Variants in GABRB1 observed in about 807,000 individuals in gnomAD.
GABRB1 encodes the protein gamma-aminobutyric acid type A receptor subunit beta1.
GABRB1 carries 17 observed loss-of-function variants against 51.6 expected under a neutral mutation model. The ratio of observed to expected loss-of-function variants is 0.33; its 90% CI spans 0.23 to 0.49. The LOEUF is 0.49. Ranked by LOEUF, GABRB1 falls within the 20% of genes least tolerant of loss-of-function variation. GABRB1 has a pLI of 0.99. For synonymous variants in GABRB1, 247 were observed against 218.9 expected, an observed-to-expected ratio of 1.13 and a Z score of -1.14; for missense variants, 410 against 600.6, an observed-to-expected ratio of 0.68 and a Z score of 3.32.
intron 4 of GABRB1, among the ~76,000 whole-genome samples, chr4:47,212,730 A>G (rs1376796595): frequency 6.6e-6 from 1 of 152,102 alleles, no homozygotes; most frequent in Non-Finnish European, 1.5e-5. Context: ...TCATAAGACT[A>G]CATTTAACTT....
At chr4:47,088,347 A>G (rs910929303) in intron 3 of GABRB1, among the ~76,000 whole-genome samples, 5 of 152,362 alleles carry the variant, frequency 3.3e-5, no homozygotes, top group Non-Finnish European at 7.3e-5. Context: ...CATCTGGGTC[A>G]AAGAAAATAA....
rs935345612 is a variant in GABRB1, at chr4:47,037,560, T to TG, written c.240+5076_240+5077insG. On this transcript the variant is annotated intron_variant, in intron 3 of 8. Transcript: ENST00000295454. ...TTTGTTGTTGTTGTTGTTTTTTGTT[T>TG]TTTTTTTTTACTCTAAGCCACATTA... is the stretch of plus-strand genomic sequence containing the variant. 1.3e-3 allele frequency among the ~76,000 whole-genome samples: 197 copies of TG among 150,642 alleles called. 1 individual carries two copies. The highest frequency in any genetic ancestry group is 4.5e-3 in the African/African-American group (183 of 41,022).
At chr4:47,281,369 G>A (rs1180272188) in intron 4 of GABRB1, among the ~76,000 whole-genome samples, 1 of 152,108 alleles carries the variant, frequency 6.6e-6, no homozygotes, top group African/African-American at 2.4e-5. Flanking sequence ...TTATTAGAAT[G>A]GCTGTTATAA....
intron 4 of GABRB1, among the ~76,000 whole-genome samples, chr4:47,195,633 C>T (rs1719655018): frequency 6.6e-6 from 1 of 152,146 alleles, no homozygotes; most frequent in Admixed American, 6.5e-5. Flanking sequence ...TTTCATAGAA[C>T]TGTATGTCCA....
chr4:47,373,018 TC>T (rs1727260464), intron 5 of GABRB1, among the ~76,000 whole-genome samples: 1 of 152,166 alleles, frequency 6.6e-6, no homozygotes, highest in African/African-American at 2.4e-5. Context: ...GGTCCACATG[TC>T]CTTCTCCCTA....
chr4:47,302,860 T>C (rs1288821004), intron 4 of GABRB1, among the ~76,000 whole-genome samples: 1 of 152,004 alleles, frequency 6.6e-6, no homozygotes. Context: ...ACCATAAACC[T>C]GAAAATGTTT....
rs573010275 is a variant in GABRB1, at chr4:47,280,590, C to A, written c.462-39537C>A. On this transcript the variant is annotated intron_variant, in intron 4 of 8. Coordinates refer to ENST00000295454, the MANE Select transcript of GABRB1 (RefSeq NM_000812.4). ...TAGGTGCAATTTTGACACATTATTT[C>A]AGCTATTTTTGTCTGAGAAAGTTTT... is the stretch of plus-strand genomic sequence containing the variant. 9.9e-5 allele frequency among the ~76,000 whole-genome samples: 15 copies of A among 151,438 alleles called. No individual in the cohort carries two copies. In the South Asian group the frequency reaches 1.5e-3, roughly 15 times the overall value.
chr4:47,196,856 T>C (rs1719703433), intron 4 of GABRB1, among the ~76,000 whole-genome samples: 1 of 152,258 alleles, frequency 6.6e-6, no homozygotes. Flanking sequence ...CATTTTACAT[T>C]GAGCACTCTG....
intron 8 of GABRB1, 125 bp downstream of exon 8, chr4:47,407,051 C>T (rs1728599604): frequency 2.1e-6 from 2 of 963,144 alleles, no homozygotes; most frequent in Non-Finnish European, 3.0e-6. Flanking sequence ...CTCAACCAAG[C>T]CTTCATTTTA....
chr4:47,249,601 G>A (rs922247705), intron 4 of GABRB1, among the ~76,000 whole-genome samples: 1 of 151,964 alleles, frequency 6.6e-6, no homozygotes, highest in African/African-American at 2.4e-5. Flanking sequence ...TATAAGTTTG[G>A]GAGCTCCAGT....
At chr4:47,030,544 A>G (rs1380573000), upstream of GABRB1, among the ~76,000 whole-genome samples, 1 of 152,178 alleles carries the variant, frequency 6.6e-6, no homozygotes, top group Non-Finnish European at 1.5e-5. Flanking sequence ...CCCTTTTTGA[A>G]TCAGTTATAA....
At chr4:47,155,434 A>T (rs1337962003) in intron 3 of GABRB1, among the ~76,000 whole-genome samples, 1 of 152,108 alleles carries the variant, frequency 6.6e-6, no homozygotes, top group African/African-American at 2.4e-5. Context: ...CACATATTAC[A>T]AAAATACATG....
chr4:47,264,223 T>C (rs1338469721), intron 4 of GABRB1, among the ~76,000 whole-genome samples: 2 of 152,264 alleles, frequency 1.3e-5, no homozygotes, highest in East Asian at 1.9e-4. Context: ...AAAGACTTCA[T>C]AGGAAAGACT....
At chr4:47,402,321 T>C (rs1422228061) in intron 5 of GABRB1, among the ~76,000 whole-genome samples, 1 of 152,224 alleles carries the variant, frequency 6.6e-6, no homozygotes, top group Non-Finnish European at 1.5e-5. Flanking sequence ...TGTGGTTACC[T>C]TTGAAACACT....
intron 7 of GABRB1, among the ~76,000 whole-genome samples, chr4:47,405,315 A>G (rs1728530386): frequency 6.6e-6 from 1 of 152,202 alleles, no homozygotes; most frequent in Non-Finnish European, 1.5e-5. Context: ...ATCCGGGAAT[A>G]TACATCTAGA....
At chr4:47,373,167 A>T (rs2110020944) in intron 5 of GABRB1, among the ~76,000 whole-genome samples, 1 of 152,268 alleles carries the variant, frequency 6.6e-6, no homozygotes, top group Admixed American at 6.5e-5. Flanking sequence ...TGAAGGGAAA[A>T]CCACAACATT....
intron 5 of GABRB1, among the ~76,000 whole-genome samples, chr4:47,325,641 T>TC (rs1272205918): frequency 3.3e-5 from 5 of 152,126 alleles, no homozygotes; most frequent in African/African-American, 1.2e-4. Context: ...TTTTCTCATA[T>TC]CCCATCATCA....
chr4:47,135,561 A>G (rs1716606681), intron 3 of GABRB1, among the ~76,000 whole-genome samples: 1 of 152,026 alleles, frequency 6.6e-6, no homozygotes, highest in South Asian at 2.1e-4. Context: ...CAAAGTCTTA[A>G]TGACTCTCCC....
intron 1 of GABRB1, among the ~76,000 whole-genome samples, chr4:47,010,951 A>T (rs1724563560): frequency 6.6e-6 from 1 of 152,072 alleles, no homozygotes; most frequent in Admixed American, 6.6e-5. Flanking sequence ...TTTGAACCTG[A>T]CACTTTTTTT....
Sources: gnomAD v4.1 joint callset for allele counts (sites outside exome capture counted in the v4.1 genomes callset) on GRCh38, gnomAD v4.1.1 for gene constraint, MANE v1.5 for transcripts, NCBI Gene and HGNC (gene_info 2026-07-23, HGNC 2026-07-21) for gene names.